The following ATP13A4 variants were observed in gnomAD, a reference collection of about 807,000 sequenced individuals.
The protein encoded by ATP13A4 is probable cation-transporting ATPase 13A4.
ATP13A4 carries 114 observed loss-of-function variants against 142.5 expected under a neutral mutation model. The ratio of observed to expected loss-of-function variants is 0.80; its 90% CI spans 0.69 to 0.93. ATP13A4 has a LOEUF of 0.93. Ranked by LOEUF, ATP13A4 falls within the 40% of genes least tolerant of loss-of-function variation. The probability of loss-of-function intolerance (pLI) is 0.00; values close to 1 mark genes in which losing one functional copy is unlikely to be tolerated. For missense variants in ATP13A4, 1,392 were observed against 1,454.0 expected (o/e 0.96, Z 0.69); for synonymous variants, 488 against 514.8 (o/e 0.95, Z 0.70).
intron 5 of ATP13A4, among the ~76,000 whole-genome samples, chr3:193,492,013 G>A (rs902496267): frequency 3.9e-5 from 6 of 152,140 alleles, no homozygotes; most frequent in Admixed American, 1.3e-4. Flanking sequence ...AACACTAACC[G>A]CTTTCTCTGT....
intron 1 of ATP13A4, among the ~76,000 whole-genome samples, chr3:193,520,169 A>G (rs9862037): frequency 0.19 from 29,108 of 152,098 alleles, 2,878 homozygotes; most frequent in East Asian, 0.24. Context: ...AAGGAAGGAG[A>G]CAAAGGTGGG....
chr3:193,536,937 G>A (rs1722619278), intron 1 of ATP13A4, among the ~76,000 whole-genome samples: 1 of 151,822 alleles, frequency 6.6e-6, no homozygotes, highest in South Asian at 2.1e-4. Context: ...ACTATAAAAG[G>A]CTTATGAGAA....
intron 26 of ATP13A4, among the ~76,000 whole-genome samples, chr3:193,414,179 T>C (rs2083934583): frequency 6.6e-6 from 1 of 152,202 alleles, no homozygotes; most frequent in African/African-American, 2.4e-5. Flanking sequence ...TGATAATTTG[T>C]AAGTGAGTTG....
chr3:193,489,991 T>C, intron 6 of ATP13A4, 127 bp from the exon 7 acceptor site: 1 of 1,117,262 alleles, frequency 9.0e-7, no homozygotes, highest in Non-Finnish European at 1.3e-6. Flanking sequence ...ATTATATTTA[T>C]TCGGCAATTG....
At chr3:193,541,079 C>T (rs1426046837) in intron 1 of ATP13A4, among the ~76,000 whole-genome samples, 1 of 151,848 alleles carries the variant, frequency 6.6e-6, no homozygotes, top group Non-Finnish European at 1.5e-5. Context: ...GAAACCCCGT[C>T]TCTACTAAAA....
At chr3:193,517,932 T>C (rs944173586) in intron 1 of ATP13A4, among the ~76,000 whole-genome samples, 21 of 152,238 alleles carry the variant, frequency 1.4e-4, no homozygotes, top group African/African-American at 5.1e-4. Flanking sequence ...ATTTGACTTA[T>C]AGATTCAGGT....
In ATP13A4 at chr3:193,492,802, G is replaced by A. The variant is rs1720015970; in HGVS notation, c.533+115C>T. ...AGATTTAATTTAATAATACTAAATAGAGCATTATAATATTTTCTGATATTA... is the reference window on the plus strand; with the variant it reads ...AGATTTAATTTAATAATACTAAATAAAGCATTATAATATTTTCTGATATTA... On this transcript the variant is annotated intron_variant, in intron 5 of 29. Transcript: ENST00000342695. 6.3e-6 allele frequency: 5 copies of A among 793,864 alleles called. No individual in the cohort carries two copies. In the East Asian group the frequency reaches 8.0e-5, roughly 13 times the overall value. 49.2% of individuals were successfully genotyped at this position (793,864 alleles called of 1,614,324 possible). A position where few individuals can be genotyped will look rare whatever the true frequency, so the allele number is the denominator to read the frequency against.
intron 20 of ATP13A4, among the ~76,000 whole-genome samples, chr3:193,441,233 G>A (rs1332577714): frequency 6.6e-6 from 1 of 152,032 alleles, no homozygotes; most frequent in African/African-American, 2.4e-5. Flanking sequence ...AGAAATCACT[G>A]ATACTTCAAT....
At chr3:193,593,025 A>T (rs920841101) in exon 1 of ATP13A4, 2 of 297,776 alleles carry the variant, frequency 6.7e-6, no homozygotes, top group Admixed American at 1.0e-4. Flanking sequence ...TCTAACCTGC[A>T]AGGCTAATTC....
At chr3:193,475,236 A>G (rs971742516) in intron 8 of ATP13A4, among the ~76,000 whole-genome samples, 1 of 152,072 alleles carries the variant, frequency 6.6e-6, no homozygotes, top group South Asian at 2.1e-4. Flanking sequence ...GTAGTAAAAA[A>G]CTGAGAAATG....
At position 193,443,377 on chromosome 3, in the gene ATP13A4, G is replaced by A. The variant is rs115256570; in HGVS notation, c.2153-821C>T. Among the ~76,000 whole-genome samples, 906 of 152,206 alleles carry A rather than the reference G, an allele frequency of 6.0e-3. 9 individuals carry two copies. The highest frequency in any genetic ancestry group is 0.021 in the African/African-American group (874 of 41,522). ...TGAACTATGATATAAATCACCCCTC[G>A]TTTGTGAGAGTAACCTCTGAGTGAG... On this transcript the variant is annotated intron_variant, in intron 18 of 29. Coordinates refer to ENST00000342695, the MANE Select transcript of ATP13A4 (RefSeq NM_032279.4).
chr3:193,433,246 G>A (rs547607269), intron 25 of ATP13A4, among the ~76,000 whole-genome samples: 2 of 152,308 alleles, frequency 1.3e-5, no homozygotes, highest in Non-Finnish European at 2.9e-5. Flanking sequence ...GGCTATGTAT[G>A]TGTTTGGGAA....
At chr3:193,488,876 T>C (rs1415122533) in intron 7 of ATP13A4, among the ~76,000 whole-genome samples, 1 of 152,146 alleles carries the variant, frequency 6.6e-6, no homozygotes, top group East Asian at 1.9e-4. Flanking sequence ...GAGTCATTCA[T>C]GGACTGCACA....
intron 2 of ATP13A4, among the ~76,000 whole-genome samples, chr3:193,509,942 G>A (rs954644327): frequency 1.3e-5 from 2 of 152,202 alleles, no homozygotes; most frequent in African/African-American, 4.8e-5. Flanking sequence ...GCCAATGTCT[G>A]GTACATGGTT....
At chr3:193,465,226 C>A (rs570887278) in intron 11 of ATP13A4, 98 bp from the exon 12 acceptor site, 4 of 1,314,122 alleles carry the variant, frequency 3.0e-6, no homozygotes, top group African/African-American at 1.5e-5. Context: ...TTGCTCTTGT[C>A]GCCCAGGCTG....
chr3:193,412,163 T>C lies in ATP13A4; in HGVS notation c.3208+15A>G, dbSNP rs1714802345. ...TGATGACTTCTCACCTCTGATGCAG[T>C]ACAGTTCTACTCACAGTTTGTATAA... On this transcript the variant is annotated intron_variant, in intron 27 of 29. Transcript: ENST00000342695. 6.3e-7 allele frequency: 1 copy of C among 1,583,472 alleles called. No individual in the cohort carries two copies. The highest frequency in any genetic ancestry group is 1.3e-5 in the African/African-American group (1 of 74,348).
At chr3:193,573,307 A>ATAAGTATATATATATATATT (rs1491575912) in intron 2 of ATP13A4, among the ~76,000 whole-genome samples, 2 of 129,888 alleles carry the variant, frequency 1.5e-5, no homozygotes, top group Non-Finnish European at 1.6e-5. Context: ...ATATATATAT[A>ATAAGTATATATATATATATT]CATATATATA....
intron 1 of ATP13A4, among the ~76,000 whole-genome samples, chr3:193,523,994 C>A (rs917336661): frequency 6.6e-5 from 10 of 152,202 alleles, no homozygotes; most frequent in African/African-American, 2.4e-4. Flanking sequence ...CCCATGCCCA[C>A]TTCCCTTCTG....
intron 18 of ATP13A4, among the ~76,000 whole-genome samples, 162 bp downstream of exon 18, chr3:193,448,044 A>C (rs1053284670): frequency 6.6e-6 from 1 of 152,234 alleles, no homozygotes; most frequent in Non-Finnish European, 1.5e-5. Context: ...CTCACATGGA[A>C]ACTCAGGGAA....
Sources: gnomAD v4.1 joint callset for allele counts (sites outside exome capture counted in the v4.1 genomes callset) on GRCh38, gnomAD v4.1.1 for gene constraint, MANE v1.5 for transcripts, NCBI Gene and HGNC (gene_info 2026-07-23, HGNC 2026-07-21) for gene names.